Variants in BCAS3 observed in about 807,000 individuals in gnomAD.
BCAS3 encodes BCAS4/BCAS3 fusion.
A neutral mutation model predicts 116.1 loss-of-function variants in BCAS3; 53 were observed. That is an observed-to-expected ratio of 0.46 (90% CI 0.37 to 0.57). The LOEUF is 0.57. BCAS3 is among the 20% of genes least tolerant of loss of function. The probability of loss-of-function intolerance (pLI) is 0.00; values close to 1 mark genes in which losing one functional copy is unlikely to be tolerated. For synonymous variants in BCAS3, 391 were observed against 408.2 expected (o/e 0.96, Z 0.51); for missense variants, 917 against 1,165.4 (o/e 0.79, Z 3.10).
intron 5 of BCAS3, among the ~76,000 whole-genome samples, chr17:60,716,018 A>G (rs2038562894): frequency 6.6e-6 from 1 of 151,882 alleles, no homozygotes; most frequent in Admixed American, 6.6e-5. Context: ...ATGCGCCACC[A>G]CACCCAGCTA....
intron 7 of BCAS3, among the ~76,000 whole-genome samples, chr17:60,841,890 A>C (rs960739816): frequency 5.9e-5 from 9 of 152,096 alleles, no homozygotes; most frequent in Non-Finnish European, 1.2e-4. Context: ...TCAGGCTCCC[A>C]AAAAGAGTCT....
intron 14 of BCAS3, among the ~76,000 whole-genome samples, chr17:60,979,380 T>C (rs1216604175): frequency 6.7e-6 from 1 of 148,878 alleles, no homozygotes; most frequent in African/African-American, 2.5e-5. Context: ...CTGAAGTTGC[T>C]TATCAGCTTA....
rs1266619483 is a variant in BCAS3, at chr17:61,161,407, T to C, written c.2425+76843T>C. 6.6e-6 allele frequency among the ~76,000 whole-genome samples: 1 copy of C among 152,238 alleles called. No individual in the cohort carries two copies. Among genetic ancestry groups the C allele is most frequent in the Non-Finnish European group, 1.5e-5 (1 of 68,042 alleles). On this transcript the variant is annotated intron_variant, in intron 22 of 23. Transcript: ENST00000407086. The surrounding 1 kb of genome is among the most constrained non-coding windows in gnomAD (Gnocchi z 4.8). The stretch of plus-strand genomic sequence containing the variant: ...TTGATCATGTTACAAGGCCCACTTG[T>C]TGCATTTAATTTAAAGCAGTTGTCC...
At chr17:60,947,111 A>G in intron 13 of BCAS3, 108 bp from the exon 14 acceptor site, 2 of 1,126,134 alleles carry the variant, frequency 1.8e-6, no homozygotes, top group Non-Finnish European at 2.5e-6. Context: ...TAGCCTTGGT[A>G]ATTTTTTTCC....
intron 13 of BCAS3, among the ~76,000 whole-genome samples, chr17:60,926,618 G>C (rs140529170): frequency 4.6e-5 from 7 of 152,170 alleles, no homozygotes; most frequent in Middle Eastern, 6.8e-3. Flanking sequence ...AAACAGCCTG[G>C]AAGTTATGTC....
chr17:60,933,749 A>G (rs896118282), intron 13 of BCAS3, among the ~76,000 whole-genome samples: 3 of 152,250 alleles, frequency 2.0e-5, no homozygotes, highest in South Asian at 2.1e-4. Flanking sequence ...ACAGCATAAC[A>G]TAGCTTGAGA....
chr17:61,191,971 A>C (rs2080159705), intron 22 of BCAS3, among the ~76,000 whole-genome samples: 1 of 150,688 alleles, frequency 6.6e-6, no homozygotes, highest in Non-Finnish European at 1.5e-5. Flanking sequence ...GAGTCCGGGC[A>C]TGGAGGCTCA....
rs946694289 is a variant in BCAS3 at position 61,281,978 on chromosome 17, C to G, written c.2426-86349C>G. Among the ~76,000 whole-genome samples, 1 of 152,118 alleles carries G rather than the reference C, an allele frequency of 6.6e-6. No homozygotes were observed. Among genetic ancestry groups the G allele is most frequent in the Admixed American group, 6.6e-5 (1 of 15,262 alleles). Reference sequence around the variant, plus strand: ...TTCTAAACAGCTATTTCAATTTAGGCTGTTTCATGTAATGAGAGGAAGACT... The same window carrying G: ...TTCTAAACAGCTATTTCAATTTAGGGTGTTTCATGTAATGAGAGGAAGACT... On this transcript the variant is annotated intron_variant, in intron 22 of 23. Coordinates refer to ENST00000407086, the MANE Select transcript of BCAS3 (RefSeq NM_017679.5). This position sits in a 1 kb window ranked among gnomAD's most constrained non-coding sequence, Gnocchi z 4.2.
At position 61,261,993 on chromosome 17, in the gene BCAS3, G is replaced by A. The variant is rs565309248; in HGVS notation, c.2426-106334G>A. Among the ~76,000 whole-genome samples the A allele has an allele frequency of 1.3e-5, 2 of 152,308 alleles. No individual in the cohort carries two copies. Among genetic ancestry groups the A allele is most frequent in the East Asian group, 1.9e-4 (1 of 5,188 alleles). On this transcript the variant is annotated intron_variant, in intron 22 of 23. Coordinates refer to ENST00000407086, the MANE Select transcript of BCAS3 (RefSeq NM_017679.5). This position sits in a 1 kb window ranked among gnomAD's most constrained non-coding sequence, Gnocchi z 4.4. Reference sequence around the variant, plus strand: ...TCCACGAATACCGTTTCTATTCAGTGTTATACTAGAAGTACTACCCAGAGC... The same window carrying A: ...TCCACGAATACCGTTTCTATTCAGTATTATACTAGAAGTACTACCCAGAGC...
rs2061412315 is a variant in BCAS3, at chr17:60,961,545, C to T, written c.1221+14193C>T. 6.6e-6 allele frequency among the ~76,000 whole-genome samples: 1 copy of T among 151,950 alleles called. No homozygotes were observed. Among genetic ancestry groups the T allele is most frequent in the Non-Finnish European group, 1.5e-5 (1 of 67,988 alleles). On this transcript the variant is annotated intron_variant, in intron 14 of 23. Transcript: ENST00000407086. This position sits in a 1 kb window ranked among gnomAD's most constrained non-coding sequence, Gnocchi z 4.8. Reference sequence around the variant, plus strand: ...CAATTTTGGAATCATTTTAGAGTTACAGAAAAGTTGCAAAGATAGTATAGA... The same window carrying T: ...CAATTTTGGAATCATTTTAGAGTTATAGAAAAGTTGCAAAGATAGTATAGA...
intron 6 of BCAS3, among the ~76,000 whole-genome samples, chr17:60,757,067 G>T (rs1031241209): frequency 3.3e-5 from 5 of 151,962 alleles, no homozygotes; most frequent in Non-Finnish European, 5.9e-5. Context: ...GGAGGCTGAG[G>T]CAGCTGAATC....
At chr17:61,212,437 A>G (rs2081517205) in intron 22 of BCAS3, among the ~76,000 whole-genome samples, 1 of 152,026 alleles carries the variant, frequency 6.6e-6, no homozygotes, top group Non-Finnish European at 1.5e-5. Flanking sequence ...ATAAGATGAT[A>G]TATGTAATAA....
chr17:61,337,014 G>A lies in BCAS3; in HGVS notation c.2426-31313G>A, dbSNP rs1179681009. ...TGTAATCCCAGCTACTCAGGAGGCT[G>A]AGGCAGGAGAATCACTTGAACCTGG... On this transcript the variant is annotated intron_variant, in intron 22 of 23. Transcript: ENST00000407086. The surrounding 1 kb of genome is among the most constrained non-coding windows in gnomAD (Gnocchi z 4.8). Among the ~76,000 whole-genome samples, 1 of 152,086 alleles carries A rather than the reference G, an allele frequency of 6.6e-6. No homozygotes were observed. The highest frequency in any genetic ancestry group is 2.4e-5 in the African/African-American group (1 of 41,420).
At chr17:61,067,740 A>AAATATAT (rs1555697139) in intron 19 of BCAS3, among the ~76,000 whole-genome samples, 1 of 133,742 alleles carries the variant, frequency 7.5e-6, no homozygotes, top group African/African-American at 3.3e-5. Flanking sequence ...AAAAAAAAAA[A>AAATATAT]ATATATATAT....
rs58004084 is a variant in BCAS3 at position 60,967,949 on chromosome 17, T to TTTGTTGTTG, written c.1221+20618_1221+20626dup. Among the ~76,000 whole-genome samples, 2,961 of 151,354 alleles carry TTTGTTGTTG rather than the reference T, an allele frequency of 0.02. 94 individuals are homozygous for TTTGTTGTTG. Among genetic ancestry groups the TTTGTTGTTG allele is most frequent in the African/African-American group, 0.066 (2,695 of 41,024 alleles). On this transcript the variant is annotated intron_variant, in intron 14 of 23. Coordinates refer to ENST00000407086, the MANE Select transcript of BCAS3 (RefSeq NM_017679.5). The surrounding 1 kb of genome is among the most constrained non-coding windows in gnomAD (Gnocchi z 4.7). ...AATTTCTGAATTGCTTTTCTGTGTGTTTGTTGTTGTTGTTGTTGTTGTTGT... is the reference window on the plus strand; with the variant it reads ...AATTTCTGAATTGCTTTTCTGTGTGTTTGTTGTTGTTGTTGTTGTTGTTGTTGTTGTTGT...
chr17:60,771,567 T>C (rs1156358478), intron 6 of BCAS3, among the ~76,000 whole-genome samples: 4 of 152,178 alleles, frequency 2.6e-5, no homozygotes, highest in African/African-American at 7.2e-5. Context: ...TTTTTTTAAT[T>C]ATACTTTAAA....
chr17:60,924,538 TA>T, intron 13 of BCAS3, 38 bp downstream of exon 13: 1 of 1,331,982 alleles, frequency 7.5e-7, no homozygotes. Flanking sequence ...TTTTTTTTTG[TA>T]GACCATTTAT....
intron 7 of BCAS3, chr17:60,810,701 A>C: frequency 1.5e-6 from 1 of 667,600 alleles, no homozygotes; most frequent in Non-Finnish European, 2.8e-6. Flanking sequence ...TAGTCTGTGG[A>C]GAGGGACATC....
intron 22 of BCAS3, among the ~76,000 whole-genome samples, chr17:61,311,833 G>T (rs191563526): frequency 0.01 from 1,567 of 152,276 alleles, 14 homozygotes; most frequent in Non-Finnish European, 0.017. Flanking sequence ...GGCGGAGGTT[G>T]CAGTGGGTTG....
Sources: gnomAD v4.1 joint callset for allele counts (sites outside exome capture counted in the v4.1 genomes callset) on GRCh38, gnomAD v4.1.1 for gene constraint, Gnocchi (gnomAD v3.1) non-coding constraint, MANE v1.5 for transcripts, NCBI Gene and HGNC (gene_info 2026-07-23, HGNC 2026-07-21) for gene names.